WDR59: variants seen among roughly 807,000 people sequenced by gnomAD.
The protein encoded by WDR59 is GATOR2 complex protein WDR59.
In WDR59, 100 loss-of-function variants were observed where a neutral mutation model predicts 131.2. The ratio of observed to expected loss-of-function variants is 0.76; its 90% CI spans 0.65 to 0.90. WDR59 has a LOEUF of 0.90. Ranked by LOEUF, WDR59 falls within the 40% of genes least tolerant of loss-of-function variation. The probability of loss-of-function intolerance (pLI) is 0.00; values close to 1 mark genes in which losing one functional copy is unlikely to be tolerated. For missense variants in WDR59, 1,203 were observed against 1,262.2 expected (o/e 0.95, Z 0.71); for synonymous variants, 601 against 466.2 (o/e 1.29, Z -3.72).
At chr16:74,979,944 G>C (rs143908380) in intron 1 of WDR59, among the ~76,000 whole-genome samples, 4 of 146,324 alleles carry the variant, frequency 2.7e-5, no homozygotes, top group African/African-American at 7.6e-5. Flanking sequence ...CAACTCCTGG[G>C]CTCAAGCAAT....
At chr16:74,976,293 T>C (rs968909518) in intron 1 of WDR59, among the ~76,000 whole-genome samples, 4 of 152,156 alleles carry the variant, frequency 2.6e-5, no homozygotes, top group African/African-American at 9.6e-5. Flanking sequence ...GCTGTTGCAA[T>C]GCTGAGACTA....
rs932829934 is a variant in WDR59 at position 74,956,372 on chromosome 16, T to C, written c.240+103A>G. The C allele has an allele frequency of 5.0e-6, 7 of 1,408,554 alleles. No individual in the cohort carries two copies. The Middle Eastern group carries it at 5.9e-4, about 119-fold the overall frequency. The allele number at this position is 1,408,554 out of a possible 1,614,324, so 87.3% of individuals were successfully genotyped here. On this transcript the variant is annotated intron_variant, in intron 3 of 25. Transcript: ENST00000262144. ...GAACCATCCAAACCTCTTTTCCAAATGAGCAATGAGGACTGCATTCTCTTC... is the reference window on the plus strand; with the variant it reads ...GAACCATCCAAACCTCTTTTCCAAACGAGCAATGAGGACTGCATTCTCTTC...
At chr16:74,949,387 CAGGA>C (rs1227738579) in intron 5 of WDR59, among the ~76,000 whole-genome samples, 3 of 84,258 alleles carry the variant, frequency 3.6e-5, no homozygotes, top group African/African-American at 1.4e-4. Context: ...GAAGGAAAGA[CAGGA>C]AGGAAGGGGG....
intron 8 of WDR59, among the ~76,000 whole-genome samples, chr16:74,935,727 A>G (rs1245260182): frequency 6.6e-6 from 1 of 152,140 alleles, no homozygotes; most frequent in Admixed American, 6.6e-5. Context: ...ATTTACATAC[A>G]TTCAATAAAA....
chr16:74,949,639 A>G (rs918766349), intron 5 of WDR59, 79 bp downstream of exon 5: 1 of 1,340,486 alleles, frequency 7.5e-7, no homozygotes, highest in African/African-American at 1.4e-5. Flanking sequence ...AGGGGAAACC[A>G]AACTAAGACA....
chr16:74,949,114 G>A (rs1352840864), intron 5 of WDR59, among the ~76,000 whole-genome samples: 1 of 152,000 alleles, frequency 6.6e-6, no homozygotes, highest in Admixed American at 6.6e-5. Flanking sequence ...GAGGCCAGGA[G>A]TTTGAGATCA....
intron 11 of WDR59, among the ~76,000 whole-genome samples, chr16:74,917,211 AT>A (rs1966432663): frequency 6.6e-6 from 1 of 152,230 alleles, no homozygotes; most frequent in Non-Finnish European, 1.5e-5. Context: ...AGAAACAGAT[AT>A]CATTTATCGG....
At chr16:74,903,871 C>T in intron 18 of WDR59, 76 bp downstream of exon 18, 2 of 1,505,054 alleles carry the variant, frequency 1.3e-6, no homozygotes, top group Non-Finnish European at 1.8e-6. Context: ...AATCTAGCTG[C>T]TGCGCCAGGC....
At position 74,916,237 on chromosome 16, in the gene WDR59, T is replaced by C. The variant is rs1966375329; in HGVS notation, c.989A>G (p.Asp330Gly). ...ACTCTCAATGAACTCATCAACACCA[T>C]CTAATATGTCATTTGCACAAAGCTG... Reference protein sequence around the residue: ...MQRLCANDILDGVDEFIESIS... With the variant: ...MQRLCANDILGGVDEFIESIS... The change falls in exon 12 of 26, where the codon GAT (aspartate) becomes GGT (glycine). Residue 330 changes from aspartate (D) to glycine (G), a missense_variant. Physicochemically the swap from Asp to Gly is moderately conservative, Grantham distance 94. Transcript: ENST00000262144. The C allele has an allele frequency of 1.9e-6, 3 of 1,613,998 alleles. No individual in the cohort carries two copies. The highest frequency in any genetic ancestry group is 1.7e-4 in the Middle Eastern group (1 of 6,042).
intron 18 of WDR59, among the ~76,000 whole-genome samples, chr16:74,902,110 T>A (rs1381670672): frequency 6.6e-6 from 1 of 152,254 alleles, no homozygotes; most frequent in Non-Finnish European, 1.5e-5. Context: ...CCTGTGTGAT[T>A]ATTAATTCAC....
intron 17 of WDR59, chr16:74,908,637 G>T: frequency 2.8e-6 from 1 of 359,602 alleles, no homozygotes; most frequent in Admixed American, 4.6e-5. Flanking sequence ...CTAGCAATAG[G>T]GGAAAGGCAC....
intron 17 of WDR59, among the ~76,000 whole-genome samples, chr16:74,906,472 CT>C (rs1463754447): frequency 6.6e-6 from 1 of 151,950 alleles, no homozygotes; most frequent in Non-Finnish European, 1.5e-5. Context: ...TGTGCACAAA[CT>C]TTTGGACAGT....
intron 5 of WDR59, among the ~76,000 whole-genome samples, 180 bp downstream of exon 5, chr16:74,949,538 T>C (rs1391524196): frequency 2.0e-5 from 3 of 151,976 alleles, no homozygotes; most frequent in African/African-American, 4.8e-5. Context: ...CCTGGCTCTC[T>C]TCTCTATCCC....
At chr16:74,887,905 G>A in intron 22 of WDR59, 150 bp from the exon 23 acceptor site, 1 of 889,274 alleles carries the variant, frequency 1.1e-6, no homozygotes, top group Non-Finnish European at 1.7e-6. Flanking sequence ...AACACCTGAG[G>A]TCAGGGGTTC....
chr16:74,881,023 C>T (rs1403306317), intron 25 of WDR59, among the ~76,000 whole-genome samples: 2 of 152,180 alleles, frequency 1.3e-5, no homozygotes, highest in Non-Finnish European at 2.9e-5. Context: ...GAATTCTCCC[C>T]ATGGGGTGGC....
intron 20 of WDR59, among the ~76,000 whole-genome samples, chr16:74,890,066 T>C (rs1339827485): frequency 6.6e-6 from 1 of 152,232 alleles, no homozygotes; most frequent in East Asian, 1.9e-4. Context: ...CTTAAAAATT[T>C]TTCATTAAGC....
At chr16:74,906,399 A>T (rs1377281933) in intron 17 of WDR59, among the ~76,000 whole-genome samples, 1 of 151,450 alleles carries the variant, frequency 6.6e-6, no homozygotes, top group Non-Finnish European at 1.5e-5. Flanking sequence ...CAAGTTTTGG[A>T]GTGGATACAG....
intron 3 of WDR59, among the ~76,000 whole-genome samples, 153 bp from the exon 4 acceptor site, chr16:74,951,696 G>A (rs1237440896): frequency 1.3e-5 from 2 of 152,202 alleles, no homozygotes; most frequent in African/African-American, 2.4e-5. Context: ...TCAGGAATAA[G>A]TACAATTAAC....
At position 74,874,413 on chromosome 16, in the gene WDR59, A is replaced by C; in HGVS notation, c.2721T>G (p.Ser907Arg). 2 of 1,613,886 alleles carry C rather than the reference A, an allele frequency of 1.2e-6. No homozygotes were observed. Among genetic ancestry groups the C allele is most frequent in the African/African-American group, 1.3e-5 (1 of 74,980 alleles). ...EFGVYCSHCRSEVRGTQCAIC... is the reference protein window; with the variant it reads ...EFGVYCSHCRREVRGTQCAIC... Reference sequence around the variant, plus strand: ...TGGCACACTGCGTGCCACGGACCTCACTCCGGCAGTGGCTGCAGTACACGC... The same window carrying C: ...TGGCACACTGCGTGCCACGGACCTCCCTCCGGCAGTGGCTGCAGTACACGC... The change falls in exon 26 of 26, where the codon AGT becomes AGG. Residue 907 changes from serine (S) to arginine (R), a missense_variant. Ser to Arg is a moderately radical substitution (Grantham distance 110). Transcript: ENST00000262144.
Sources: allele counts gnomAD v4.1 joint callset (sites outside exome capture counted in the v4.1 genomes callset), GRCh38; gene constraint gnomAD v4.1.1; transcripts MANE v1.5; gene names NCBI Gene and HGNC (gene_info 2026-07-23, HGNC 2026-07-21).